Variants in ZP2 observed in about 807,000 individuals in gnomAD.
ZP2 encodes the protein zona pellucida glycoprotein 2.
In ZP2, 51 loss-of-function variants were observed where a neutral mutation model predicts 84.0. The observed-to-expected ratio is 0.61, with a 90% CI of 0.49 to 0.77. The LOEUF is 0.77. Ranked by LOEUF, ZP2 falls within the 30% of genes least tolerant of loss-of-function variation. ZP2 has a pLI of 0.00. For synonymous variants in ZP2, 375 were observed against 330.9 expected (o/e 1.13, Z -1.45); for missense variants, 909 against 911.9 (o/e 1.00, Z 0.04).
intron 4 of ZP2, among the ~76,000 whole-genome samples, chr16:21,207,970 A>G (rs184548962): frequency 6.6e-6 from 1 of 152,230 alleles, no homozygotes; most frequent in East Asian, 1.9e-4. Flanking sequence ...CTATAATCCC[A>G]GTGCTTTGGA....
At chr16:21,212,742 G>A (rs1306414436), upstream of ZP2, among the ~76,000 whole-genome samples, 4 of 152,208 alleles carry the variant, frequency 2.6e-5, no homozygotes, top group Admixed American at 6.5e-5. Context: ...CTGGGTAAAA[G>A]GGAGTAGTGA....
rs1268169697 is a variant in ZP2 at position 21,203,140 on chromosome 16, A to G, written c.1084T>C (p.Ser362Pro). ...MVIYPECLCE[S>P]PVSIVTGELC... is the part of the protein sequence containing the mutation. Reference sequence around the variant, plus strand: ...AGGTCTTTACCTATAGAAACGGGTGACTCACAGAGACACTCAGGATAGATC... The same window carrying G: ...AGGTCTTTACCTATAGAAACGGGTGGCTCACAGAGACACTCAGGATAGATC... Residue 362 changes from serine to proline, a missense_variant, in exon 10 of 19, where the codon TCA (serine) becomes CCA (proline). Physicochemically the swap from Ser to Pro is moderately conservative, Grantham distance 74. Coordinates refer to ENST00000574091, the MANE Select transcript of ZP2 (RefSeq NM_001376232.1). 1.2e-6 allele frequency: 2 copies of G among 1,613,412 alleles called. No individual in the cohort carries two copies. Among genetic ancestry groups the G allele is most frequent in the African/African-American group, 2.7e-5 (2 of 74,896 alleles).
upstream of ZP2, chr16:21,211,806 G>A (rs2093276628): frequency 2.8e-6 from 4 of 1,415,114 alleles, no homozygotes; most frequent in Admixed American, 1.1e-4. Context: ...GTGAATTGGT[G>A]TTTTCCCTAT....
At position 21,203,100 on chromosome 16, in the gene ZP2, CATG is replaced by C. The variant is rs770797131; in HGVS notation, c.1099+22_1099+24del. 2.5e-6 allele frequency: 4 copies of C among 1,606,214 alleles called. No homozygotes were observed. The Admixed American group carries it at 6.8e-5, about 27-fold the overall frequency. ...GAGCCAAGGGAGAAAAAAGGTAGAACATGATTTTAATAAAAGGTCTTTACCTAT... is the reference window on the plus strand; with the variant it reads ...GAGCCAAGGGAGAAAAAAGGTAGAACATTTTAATAAAAGGTCTTTACCTAT... On this transcript the variant is annotated intron_variant, in intron 10 of 18. Coordinates refer to ENST00000574091, the MANE Select transcript of ZP2 (RefSeq NM_001376232.1).
In ZP2 at chr16:21,211,436, TAACA is replaced by T. The variant is rs1361558036; in HGVS notation, c.63-45_63-42del. Reference sequence around the variant, plus strand: ...GAGATAGTCAAGGAAGAATGGACTTTAACAAACAAAGCTACCATACCCCCTCCCT... The same window carrying T: ...GAGATAGTCAAGGAAGAATGGACTTTAACAAAGCTACCATACCCCCTCCCT... On this transcript the variant is annotated intron_variant, in intron 1 of 18. Coordinates refer to ENST00000574091, the MANE Select transcript of ZP2 (RefSeq NM_001376232.1). 2.5e-6 allele frequency: 4 copies of T among 1,613,860 alleles called. No homozygotes were observed. In the African/African-American group the frequency reaches 5.3e-5, roughly 22 times the overall value.
chr16:21,206,015 C>A (rs569214691), intron 5 of ZP2: 57 of 541,754 alleles, frequency 1.1e-4, no homozygotes, highest in South Asian at 5.6e-4. Context: ...ATTTCTCCCC[C>A]CAAGATAGAG....
chr16:21,197,621 A>G lies in ZP2; in HGVS notation c.2097T>C (p.Gly699=), dbSNP rs773589789. 3 of 1,614,174 alleles carry G rather than the reference A, an allele frequency of 1.9e-6. No individual in the cohort carries two copies. The South Asian group carries it at 3.3e-5, about 18-fold the overall frequency. Residue 699 remains glycine (G), a splice_region_variant and synonymous_variant, in exon 19 of 19, where the codon GGT becomes GGC. Coordinates refer to ENST00000574091, the MANE Select transcript of ZP2 (RefSeq NM_001376232.1). Reference sequence around the variant, plus strand: ...TCTTGTGCCCTTTGGTGTCCATAGCACCTACAAAGGAAGCAGACATTTGAG... The same window carrying G: ...TCTTGTGCCCTTTGGTGTCCATAGCGCCTACAAAGGAAGCAGACATTTGAG... ...SETGEEVGSR[G]AMDTKGHKTA...
intron 7 of ZP2, 78 bp downstream of exon 7, chr16:21,205,342 G>T: frequency 6.5e-7 from 1 of 1,527,088 alleles, no homozygotes; most frequent in Non-Finnish European, 9.0e-7. Flanking sequence ...TTAATGTGAA[G>T]ACATGGTTGA....
chr16:21,206,327 A>C (rs2093249492), intron 5 of ZP2, among the ~76,000 whole-genome samples: 1 of 152,136 alleles, frequency 6.6e-6, no homozygotes, highest in Non-Finnish European at 1.5e-5. Flanking sequence ...TTGCCCTTTC[A>C]CCAATGTCCA....
At position 21,199,586 on chromosome 16, in the gene ZP2, G is replaced by A. The variant is rs748977170; in HGVS notation, c.1911C>T (p.Ser637=). 2 of 1,608,478 alleles carry A rather than the reference G, an allele frequency of 1.2e-6. No homozygotes were observed. The highest frequency in any genetic ancestry group is 8.5e-7 in the Non-Finnish European group (1 of 1,178,040). Residue 637 remains serine (S), a synonymous_variant, in exon 16 of 19, where the codon TCC becomes TCT. Transcript: ENST00000574091. The part of the protein sequence containing the change: ...SPLCSVTCPV[S]SRHRRATGAT... ...AGTTTTTACCTCGCCTGTGCCTAGA[G>A]GACACAGGGCAGGTCACAGAACACA...
At chr16:21,210,981 T>C (rs1429637294) in intron 2 of ZP2, among the ~76,000 whole-genome samples, 2 of 152,074 alleles carry the variant, frequency 1.3e-5, no homozygotes, top group Admixed American at 6.6e-5. Flanking sequence ...TTGCTTGTTA[T>C]GTCGATGTTT....
Position 21,211,564 on chromosome 16 carries a change from A to G in ZP2, c.-17T>C. On this transcript the variant is annotated 5_prime_UTR_variant, in exon 1 of 19. Coordinates refer to ENST00000574091, the MANE Select transcript of ZP2 (RefSeq NM_001376232.1). ...GCACGCCATAGCAGAAGACACTACC[A>G]GATCAACCAGGTAGAGGGTAGGCTG... 6.2e-7 allele frequency: 1 copy of G among 1,614,076 alleles called. No individual in the cohort carries two copies. Among genetic ancestry groups the G allele is most frequent in the South Asian group, 1.1e-5 (1 of 91,084 alleles).
intron 2 of ZP2, among the ~76,000 whole-genome samples, chr16:21,210,771 C>G (rs2093271004): frequency 6.6e-6 from 1 of 152,030 alleles, no homozygotes; most frequent in South Asian, 2.1e-4. Context: ...GATGGGGTTT[C>G]ACCACATTGG....
At chr16:21,209,153 A>G (rs1398678828) in intron 4 of ZP2, among the ~76,000 whole-genome samples, 1 of 152,122 alleles carries the variant, frequency 6.6e-6, no homozygotes, top group East Asian at 1.9e-4. Flanking sequence ...ATGTTGTCAA[A>G]TGTCCCCTGG....
intron 7 of ZP2, 57 bp from the exon 8 acceptor site, chr16:21,204,461 A>C (rs2093240676): frequency 7.1e-7 from 1 of 1,413,962 alleles, no homozygotes. Flanking sequence ...ATCTCTAACC[A>C]GTAAGAATCA....
At chr16:21,212,743 G>A (rs1455019090), upstream of ZP2, among the ~76,000 whole-genome samples, 1 of 152,170 alleles carries the variant, frequency 6.6e-6, no homozygotes, top group Non-Finnish European at 1.5e-5. Context: ...TGGGTAAAAG[G>A]GAGTAGTGAT....
intron 9 of ZP2, chr16:21,203,670 C>T: frequency 2.8e-6 from 1 of 357,160 alleles, no homozygotes; most frequent in Admixed American, 4.4e-5. Context: ...TCAACAGCAA[C>T]AGTACGGGAC....
Position 21,201,401 on chromosome 16 carries a change from G to A in ZP2, c.1662C>T (p.Asp554=), listed in dbSNP as rs746050741. ...CGACAACGTTCCACTGGGGGAAAGA[G>A]TCTGGATCCATGGTGGACGTCGCCC... The part of the protein sequence containing the change: ...DCWATSTMDP[D]SFPQWNVVVD... The change falls in exon 14 of 19, where the codon GAC becomes GAT. Residue 554 remains aspartate, a synonymous_variant. Coordinates refer to ENST00000574091, the MANE Select transcript of ZP2 (RefSeq NM_001376232.1). 3 of 1,601,244 alleles carry A rather than the reference G, an allele frequency of 1.9e-6. No homozygotes were observed. The highest frequency in any genetic ancestry group is 1.7e-6 in the Non-Finnish European group (2 of 1,172,888).
chr16:21,210,877 A>ATTTTT (rs559320725), intron 2 of ZP2, among the ~76,000 whole-genome samples: 1 of 133,638 alleles, frequency 7.5e-6, no homozygotes, highest in East Asian at 2.2e-4. Flanking sequence ...GCCTGGCTGC[A>ATTTTT]TTTTTTTTTT....
Sources: allele counts gnomAD v4.1 joint callset (sites outside exome capture counted in the v4.1 genomes callset), GRCh38; gene constraint gnomAD v4.1.1; transcripts MANE v1.5; gene names NCBI Gene and HGNC (gene_info 2026-07-23, HGNC 2026-07-21).